The following PPM1L variants were observed in gnomAD, a reference collection of about 807,000 sequenced individuals.
PPM1L encodes the protein protein phosphatase 1L.
Under a neutral mutation model 31.4 loss-of-function variants are expected in PPM1L, and 13 were observed. The ratio of observed to expected loss-of-function variants is 0.41; its 90% confidence interval spans 0.27 to 0.66. PPM1L has a LOEUF of 0.66. Ranked by LOEUF, PPM1L falls within the 30% of genes least tolerant of loss-of-function variation. The pLI is 0.29. For synonymous variants in PPM1L, 184 were observed against 175.4 expected (o/e 1.05, Z -0.39); for missense variants, 326 against 453.7 (o/e 0.72, Z 2.56).
intron 1 of PPM1L, among the ~76,000 whole-genome samples, chr3:160,821,339 A>G (rs966929590): frequency 1.3e-5 from 2 of 151,986 alleles, no homozygotes; most frequent in African/African-American, 2.4e-5. Context: ...TGGTTAATTG[A>G]TTTAATAGTC....
At chr3:161,005,401 T>C (rs1304602808) in intron 2 of PPM1L, among the ~76,000 whole-genome samples, 1 of 152,196 alleles carries the variant, frequency 6.6e-6, no homozygotes, top group Non-Finnish European at 1.5e-5. Context: ...TTAACTATGA[T>C]CTCATAAAAA....
In PPM1L at chr3:160,835,033, A is replaced by ACTTCTT. The variant is rs1472836807; in HGVS notation, c.399+78328_399+78329insTCTTCT. Among the ~76,000 whole-genome samples the ACTTCTT allele has an allele frequency of 1.0e-3, 86 of 86,302 alleles. 1 individual carries two copies. The highest frequency in any genetic ancestry group is 5.8e-3 in the African/African-American group (84 of 14,360). 56.6% of individuals were successfully genotyped at this position (86,302 alleles called of 152,430 possible). ...TATTACTACTACTACTACTATTACT[A>ACTTCTT]CTACTACTTCTTCTTCTTCTTCTTC... On this transcript the variant is annotated intron_variant, in intron 1 of 3. Transcript: ENST00000498165.
intron 2 of PPM1L, among the ~76,000 whole-genome samples, chr3:161,035,359 T>C (rs2108084180): frequency 6.6e-6 from 1 of 152,312 alleles, no homozygotes; most frequent in Admixed American, 6.5e-5. Flanking sequence ...TTCTGTTTCA[T>C]GGTTTGTGTT....
intron 1 of PPM1L, among the ~76,000 whole-genome samples, chr3:160,923,919 C>T (rs775317638): frequency 7.9e-5 from 12 of 152,164 alleles, no homozygotes; most frequent in Non-Finnish European, 1.3e-4. Context: ...TCAGGGGAAG[C>T]AGATGGAATG....
chr3:160,870,730 A>T (rs984352316), intron 1 of PPM1L: 3 of 152,228 alleles, frequency 2.0e-5, no homozygotes, highest in Non-Finnish European at 4.4e-5. Context: ...ACCTACTGCG[A>T]TCCTTTCACA....
chr3:160,979,863 CCTTAAGT>C (rs1716737681), intron 2 of PPM1L, among the ~76,000 whole-genome samples: 1 of 152,010 alleles, frequency 6.6e-6, no homozygotes, highest in Non-Finnish European at 1.5e-5. Context: ...AACTTTTCAT[CCTTAAGT>C]CATATGTATC....
chr3:160,764,716 C>A (rs1259038723), intron 1 of PPM1L, among the ~76,000 whole-genome samples: 2 of 152,164 alleles, frequency 1.3e-5, no homozygotes, highest in Non-Finnish European at 2.9e-5. Context: ...AATCTGCCCC[C>A]CTCGGCCTCC....
At chr3:161,048,897 A>G (rs1719172282) in intron 2 of PPM1L, among the ~76,000 whole-genome samples, 1 of 123,466 alleles carries the variant, frequency 8.1e-6, no homozygotes, top group South Asian at 2.8e-4. Context: ...ACTTGGACAC[A>G]GGAAGGGGAA....
intron 1 of PPM1L, among the ~76,000 whole-genome samples, chr3:160,876,258 A>G (rs972854819): frequency 2.0e-5 from 3 of 152,178 alleles, no homozygotes; most frequent in Non-Finnish European, 2.9e-5. Flanking sequence ...ACAGTAAATC[A>G]AGGGTTTGAG....
chr3:160,890,681 G>A (rs1297505294), intron 1 of PPM1L, among the ~76,000 whole-genome samples: 1 of 152,150 alleles, frequency 6.6e-6, no homozygotes, highest in Admixed American at 6.5e-5. Flanking sequence ...ACAATCCTAA[G>A]CAAAAAGAAC....
intron 2 of PPM1L, among the ~76,000 whole-genome samples, chr3:161,045,229 C>A (rs1719023558): frequency 6.6e-6 from 1 of 152,158 alleles, no homozygotes; most frequent in Non-Finnish European, 1.5e-5. Context: ...ACAAAGTTAA[C>A]AAGGATATCC....
chr3:161,017,096 TAGAA>T (rs1486790145), intron 2 of PPM1L, among the ~76,000 whole-genome samples: 2 of 152,190 alleles, frequency 1.3e-5, no homozygotes, highest in Non-Finnish European at 2.9e-5. Flanking sequence ...TTACTGTACT[TAGAA>T]AGTGTAACTG....
At chr3:161,037,471 A>G (rs1428946388) in intron 2 of PPM1L, among the ~76,000 whole-genome samples, 1 of 145,010 alleles carries the variant, frequency 6.9e-6, no homozygotes, top group Non-Finnish European at 1.5e-5. Flanking sequence ...CTAGAGTGCA[A>G]TGGTACGATC....
chr3:160,989,785 A>G (rs898178362), intron 2 of PPM1L, among the ~76,000 whole-genome samples: 5 of 152,130 alleles, frequency 3.3e-5, no homozygotes, highest in Middle Eastern at 3.4e-3. Flanking sequence ...TCAGCCTCCC[A>G]AGTGGCTGGG....
chr3:160,844,857 AC>A (rs1714025089), intron 1 of PPM1L, among the ~76,000 whole-genome samples: 2 of 151,948 alleles, frequency 1.3e-5, no homozygotes, highest in African/African-American at 2.4e-5. Context: ...CATTTTCATC[AC>A]CCCAAGCAGA....
At chr3:161,000,257 T>G (rs1371736440) in intron 2 of PPM1L, among the ~76,000 whole-genome samples, 1 of 152,180 alleles carries the variant, frequency 6.6e-6, no homozygotes, top group Non-Finnish European at 1.5e-5. Flanking sequence ...ATACAGACAC[T>G]CATATTGTCT....
At chr3:160,767,237 C>CTT (rs534238505) in intron 1 of PPM1L, among the ~76,000 whole-genome samples, 6 of 143,168 alleles carry the variant, frequency 4.2e-5, no homozygotes, top group Admixed American at 7.0e-5. Context: ...GTCTTAGTTT[C>CTT]TTTTTTTTTT....
At chr3:160,906,171 TAGG>T (rs1315388916) in intron 1 of PPM1L, among the ~76,000 whole-genome samples, 3 of 152,210 alleles carry the variant, frequency 2.0e-5, no homozygotes, top group African/African-American at 7.2e-5. Context: ...TGTATTTCTA[TAGG>T]AGTGTTCATT....
intron 1 of PPM1L, among the ~76,000 whole-genome samples, chr3:160,862,843 A>T (rs948532238): frequency 6.6e-6 from 1 of 152,166 alleles, no homozygotes; most frequent in African/African-American, 2.4e-5. Context: ...AATGATTATC[A>T]GTTTTTTAAA....
Sources: gnomAD v4.1 joint callset for allele counts (sites outside exome capture counted in the v4.1 genomes callset) on GRCh38, gnomAD v4.1.1 for gene constraint, MANE v1.5 for transcripts, NCBI Gene and HGNC (gene_info 2026-07-23, HGNC 2026-07-21) for gene names.